Variants in MAPKAPK2 observed in about 807,000 individuals in gnomAD.
MAPKAPK2 encodes MAPK activated protein kinase 2.
A neutral mutation model predicts 48.8 loss-of-function variants in MAPKAPK2; 9 were observed. That is an observed-to-expected ratio of 0.18 (90% CI 0.11 to 0.32). MAPKAPK2 has a LOEUF of 0.32. Among genes scored for constraint, MAPKAPK2 ranks in the 10% least tolerant of loss-of-function variants. The pLI is 1.00. For synonymous variants in MAPKAPK2, 202 were observed against 190.6 expected, an observed-to-expected ratio of 1.06 and a Z score of -0.49; for missense variants, 331 against 498.3, an observed-to-expected ratio of 0.66 and a Z score of 3.20.
At chr1:206,729,570 C>T in intron 4 of MAPKAPK2, 95 bp downstream of exon 4, 1 of 1,065,930 alleles carries the variant, frequency 9.4e-7, no homozygotes, top group South Asian at 1.3e-5. Context: ...ACCCTGCGTC[C>T]TTGCTGCCTG....
chr1:206,731,315 T>TGTATGTGTGTAC lies in MAPKAPK2; in HGVS notation c.892+55_892+56insATGTGTGTACGT. The TGTATGTGTGTAC allele has an allele frequency of 6.2e-7, 1 of 1,609,562 alleles. No homozygotes were observed. The highest frequency in any genetic ancestry group is 8.5e-7 in the Non-Finnish European group (1 of 1,177,616). On this transcript the variant is annotated intron_variant, in intron 7 of 9. Transcript: ENST00000367103. This position sits in a 1 kb window ranked among gnomAD's most constrained non-coding sequence, Gnocchi z 5.9. Reference sequence around the variant, plus strand: ...GGAAGAGCCCGTGTGTGTGTGTGTGTGTGTATGTGTGTACACGCAGACACA... The same window carrying TGTATGTGTGTAC: ...GGAAGAGCCCGTGTGTGTGTGTGTGTGTATGTGTGTACGTGTATGTGTGTACACGCAGACACA...
chr1:206,692,024 G>A (rs782603613), intron 1 of MAPKAPK2, among the ~76,000 whole-genome samples: 1 of 152,170 alleles, frequency 6.6e-6, no homozygotes, highest in Non-Finnish European at 1.5e-5. Context: ...ATAGTGTAGT[G>A]GTGGTGCAAA....
intron 1 of MAPKAPK2, among the ~76,000 whole-genome samples, chr1:206,708,151 C>A (rs1673023733): frequency 6.6e-6 from 1 of 152,172 alleles, no homozygotes; most frequent in African/African-American, 2.4e-5. Flanking sequence ...TGCTAAGATT[C>A]CCTGTTGGCT....
At chr1:206,694,217 A>T (rs1489594633) in intron 1 of MAPKAPK2, among the ~76,000 whole-genome samples, 1 of 152,168 alleles carries the variant, frequency 6.6e-6, no homozygotes, top group Non-Finnish European at 1.5e-5. Flanking sequence ...GTCTGCTTTC[A>T]GGAATTATGG....
At chr1:206,715,583 G>A (rs1673299093) in intron 1 of MAPKAPK2, among the ~76,000 whole-genome samples, 1 of 150,438 alleles carries the variant, frequency 6.6e-6, no homozygotes, top group African/African-American at 2.4e-5. Flanking sequence ...CATACTCCTT[G>A]GTCTCAACAT....
intron 1 of MAPKAPK2, 118 bp from the exon 2 acceptor site, chr1:206,728,592 G>A (rs1482697879): frequency 1.8e-6 from 2 of 1,129,686 alleles, no homozygotes; most frequent in African/African-American, 1.6e-5. Context: ...TGGTGGGGGG[G>A]GCCAGCAGGA....
At position 206,731,472 on chromosome 1, in the gene MAPKAPK2, AG is replaced by A. The variant is rs781955751; in HGVS notation, c.893-165del. 2.1e-5 allele frequency: 23 copies of A among 1,117,660 alleles called. No homozygotes were observed. Among genetic ancestry groups the A allele is most frequent in the Non-Finnish European group, 2.5e-5 (19 of 767,890 alleles). The allele number at this position is 1,117,660 out of a possible 1,614,324, so 69.2% of individuals were successfully genotyped here. On this transcript the variant is annotated intron_variant, in intron 7 of 9. Coordinates refer to ENST00000367103, the MANE Select transcript of MAPKAPK2 (RefSeq NM_032960.4). This position sits in a 1 kb window ranked among gnomAD's most constrained non-coding sequence, Gnocchi z 5.9. ...CAGGGCCAAGGCTGTGGGGCTGTGC[AG>A]GGCCTCTCAAGTGGTACAGCCGTAA...
Position 206,731,423 on chromosome 1 carries a change from T to C in MAPKAPK2, c.892+161T>C. On this transcript the variant is annotated intron_variant, in intron 7 of 9. Coordinates refer to ENST00000367103, the MANE Select transcript of MAPKAPK2 (RefSeq NM_032960.4). The surrounding 1 kb of genome is among the most constrained non-coding windows in gnomAD (Gnocchi z 5.9). ...GCCTGCGGGGTGCGTCCTGCTTCAT[T>C]TTGCCTGTGTGGAGGGCTGGAGGCA... 7.1e-7 allele frequency: 1 copy of C among 1,400,178 alleles called. No individual in the cohort carries two copies. The highest frequency in any genetic ancestry group is 9.7e-7 in the Non-Finnish European group (1 of 1,031,508). 86.7% of individuals were successfully genotyped at this position (1,400,178 alleles called of 1,614,324 possible).
chr1:206,721,736 G>A (rs937050411), intron 1 of MAPKAPK2, among the ~76,000 whole-genome samples: 4 of 152,196 alleles, frequency 2.6e-5, no homozygotes, highest in Admixed American at 6.5e-5. Context: ...TCCTCCCAGG[G>A]TGGGGGTGAA....
chr1:206,705,081 C>T (rs1227852603), intron 1 of MAPKAPK2, among the ~76,000 whole-genome samples: 2 of 152,204 alleles, frequency 1.3e-5, no homozygotes, highest in African/African-American at 2.4e-5. Context: ...TATTAACATC[C>T]TACGGAATAC....
rs1018309879 is a variant in MAPKAPK2 at position 206,731,594 on chromosome 1, G to A, written c.893-46G>A. The A allele has an allele frequency of 2.1e-5, 32 of 1,494,240 alleles. No individual in the cohort carries two copies. The highest frequency in any genetic ancestry group is 2.8e-5 in the Non-Finnish European group (30 of 1,070,982). 92.6% of individuals were successfully genotyped at this position (1,494,240 alleles called of 1,614,324 possible). A position where few individuals can be genotyped will look rare whatever the true frequency, so the allele number is the denominator to read the frequency against. On this transcript the variant is annotated intron_variant, in intron 7 of 9. Transcript: ENST00000367103. This position sits in a 1 kb window ranked among gnomAD's most constrained non-coding sequence, Gnocchi z 5.9. ...AAAACTGGGGAAAGGAGCAGGCCAGGGAGAGTGACCCCTGAGCTGTCACTG... is the reference window on the plus strand; with the variant it reads ...AAAACTGGGGAAAGGAGCAGGCCAGAGAGAGTGACCCCTGAGCTGTCACTG...
At chr1:206,711,851 G>A (rs1185928923) in intron 1 of MAPKAPK2, among the ~76,000 whole-genome samples, 2 of 151,904 alleles carry the variant, frequency 1.3e-5, no homozygotes, top group African/African-American at 4.8e-5. Context: ...TCAAACTCCT[G>A]GGCTCAAGTG....
intron 1 of MAPKAPK2, among the ~76,000 whole-genome samples, chr1:206,724,641 A>C (rs1463086309): frequency 1.3e-5 from 2 of 151,640 alleles, no homozygotes; most frequent in African/African-American, 2.4e-5. Flanking sequence ...ATTCTTGCTA[A>C]GTTTCTCTAA....
intron 1 of MAPKAPK2, among the ~76,000 whole-genome samples, chr1:206,709,404 C>G (rs1423304121): frequency 6.6e-6 from 1 of 152,178 alleles, no homozygotes; most frequent in Admixed American, 6.5e-5. Context: ...ATGTGATCTA[C>G]ATGTGGATTC....
intron 1 of MAPKAPK2, among the ~76,000 whole-genome samples, chr1:206,724,754 A>T (rs1330833628): frequency 6.6e-6 from 1 of 152,086 alleles, no homozygotes; most frequent in Admixed American, 6.5e-5. Flanking sequence ...AAGCAACAGA[A>T]TGAGGGGGTG....
chr1:206,731,265 A>G lies in MAPKAPK2; in HGVS notation c.892+3A>G. The G allele has an allele frequency of 6.2e-7, 1 of 1,614,172 alleles. No homozygotes were observed. The highest frequency in any genetic ancestry group is 1.1e-5 in the South Asian group (1 of 91,082). On this transcript the variant is annotated splice_donor_region_variant and intron_variant, in intron 7 of 9. Transcript: ENST00000367103. The surrounding 1 kb of genome is among the most constrained non-coding windows in gnomAD (Gnocchi z 5.9). ...ATGGTCAGAAGTATCAGAGGAAGGT[A>G]AGAACCCAGGCTTTCAGGACAAGGG...
intron 1 of MAPKAPK2, among the ~76,000 whole-genome samples, chr1:206,699,655 T>A (rs1050350716): frequency 2.6e-5 from 4 of 152,226 alleles, no homozygotes; most frequent in Non-Finnish European, 5.9e-5. Context: ...TATCCTCCTT[T>A]GGGCCCTCAT....
At chr1:206,708,407 C>G (rs1553428938) in intron 1 of MAPKAPK2, among the ~76,000 whole-genome samples, 1 of 152,166 alleles carries the variant, frequency 6.6e-6, no homozygotes, top group Non-Finnish European at 1.5e-5. Flanking sequence ...CATGATTATA[C>G]CAAACCACCT....
chr1:206,690,691 C>T (rs1255609689), intron 1 of MAPKAPK2, among the ~76,000 whole-genome samples: 5 of 152,320 alleles, frequency 3.3e-5, no homozygotes, highest in Admixed American at 2.6e-4. Context: ...GGGGCCAAAG[C>T]TCCTGTTAGC....
Sources: gnomAD v4.1 joint callset for allele counts (sites outside exome capture counted in the v4.1 genomes callset) on GRCh38, gnomAD v4.1.1 for gene constraint, Gnocchi (gnomAD v3.1) non-coding constraint, MANE v1.5 for transcripts, NCBI Gene and HGNC (gene_info 2026-07-23, HGNC 2026-07-21) for gene names.